The following ATAD1 variants were observed in gnomAD, a reference collection of about 807,000 sequenced individuals.
The protein encoded by ATAD1 is outer mitochondrial transmembrane helix translocase.
In ATAD1, 18 loss-of-function variants were observed where a neutral mutation model predicts 42.7. That is an observed-to-expected ratio of 0.42 (90% CI 0.29 to 0.63). The LOEUF (loss-of-function observed/expected upper bound fraction) is 0.63. Ranked by LOEUF, ATAD1 falls within the 20% of genes least tolerant of loss-of-function variation. ATAD1 has a pLI of 0.19. For missense variants in ATAD1, 294 were observed against 440.4 expected, an observed-to-expected ratio of 0.67 and a Z score of 2.98; for synonymous variants, 132 against 143.1, an observed-to-expected ratio of 0.92 and a Z score of 0.55.
chr10:87,812,601 AGAGAAGAG>A (rs1411254805), intron 2 of ATAD1, among the ~76,000 whole-genome samples: 1 of 152,214 alleles, frequency 6.6e-6, no homozygotes, highest in Non-Finnish European at 1.5e-5. Context: ...GATGTAGGGA[AGAGAAGAG>A]GAGGGGTAAC....
intron 6 of ATAD1, among the ~76,000 whole-genome samples, chr10:87,771,830 C>T (rs534027748): frequency 2.6e-5 from 4 of 151,428 alleles, no homozygotes; most frequent in Non-Finnish European, 5.9e-5. Flanking sequence ...TTCTGAAGGA[C>T]ATCAATATTA....
intron 2 of ATAD1, among the ~76,000 whole-genome samples, chr10:87,795,445 C>T (rs1856336298): frequency 6.9e-6 from 1 of 144,092 alleles, no homozygotes; most frequent in Non-Finnish European, 1.5e-5. Flanking sequence ...GTTATATTTT[C>T]TGATCACCAT....
At chr10:87,764,116 G>C (rs547565727) in intron 8 of ATAD1, among the ~76,000 whole-genome samples, 4 of 151,916 alleles carry the variant, frequency 2.6e-5, no homozygotes, top group Non-Finnish European at 5.9e-5. Context: ...TCCAGAAACA[G>C]AGACAATACA....
At chr10:87,811,091 G>T (rs1857155302) in intron 2 of ATAD1, among the ~76,000 whole-genome samples, 1 of 152,116 alleles carries the variant, frequency 6.6e-6, no homozygotes. Flanking sequence ...TCAGCACTTT[G>T]GGAGGCCAAA....
chr10:87,807,449 A>G (rs910957488), intron 2 of ATAD1, among the ~76,000 whole-genome samples: 1 of 152,194 alleles, frequency 6.6e-6, no homozygotes, highest in Non-Finnish European at 1.5e-5. Context: ...CATTCTCTCC[A>G]GCACGTTATT....
intron 2 of ATAD1, among the ~76,000 whole-genome samples, chr10:87,807,864 T>C (rs1037751615): frequency 6.6e-6 from 1 of 152,222 alleles, no homozygotes; most frequent in African/African-American, 2.4e-5. Flanking sequence ...CTTCCCTATT[T>C]ATAGACTTTT....
chr10:87,830,610 A>G (rs1195506672), intron 1 of ATAD1, among the ~76,000 whole-genome samples: 1 of 152,174 alleles, frequency 6.6e-6, no homozygotes, highest in Non-Finnish European at 1.5e-5. Context: ...TTGTGTTTTC[A>G]TTTACTACTT....
At chr10:87,758,614 G>A (rs1286857696) in intron 8 of ATAD1, among the ~76,000 whole-genome samples, 2 of 151,924 alleles carry the variant, frequency 1.3e-5, no homozygotes, top group East Asian at 1.9e-4. Flanking sequence ...TGTTACATTT[G>A]AAATAAAAAC....
Position 87,754,494 on chromosome 10 carries a change from T to A in ATAD1, c.*193A>T. On this transcript the variant is annotated 3_prime_UTR_variant, in exon 10 of 10. Coordinates refer to ENST00000680024, the MANE Select transcript of ATAD1 (RefSeq NM_001321967.2). Reference sequence around the variant, plus strand: ...CGTTCAGGCTGGATTCAACTGTTCCTCCTCATGATTTTTGACCAACAGTAA... The same window carrying A: ...CGTTCAGGCTGGATTCAACTGTTCCACCTCATGATTTTTGACCAACAGTAA... The A allele has an allele frequency of 1.9e-6, 1 of 524,334 alleles. No individual in the cohort carries two copies. Among genetic ancestry groups the A allele is most frequent in the Non-Finnish European group, 3.0e-6 (1 of 334,460 alleles). 32.5% of individuals were successfully genotyped at this position (524,334 alleles called of 1,614,324 possible).
Position 87,790,398 on chromosome 10 carries a change from A to G in ATAD1, c.294T>C (p.Asp98=), listed in dbSNP as rs765550187. ...CTGTGTCTTTCAGATCCGTAATGAC[A>G]TCATCTAAACCTGCTATATCACTCC... ...VTWSDIAGLD[D]VITDLKDTVI... is the part of the protein sequence containing the mutation. The change falls in exon 4 of 10, where the codon GAT becomes GAC. Residue 98 remains aspartate, a synonymous_variant. Coordinates refer to ENST00000680024, the MANE Select transcript of ATAD1 (RefSeq NM_001321967.2). 8.1e-6 allele frequency: 13 copies of G among 1,612,266 alleles called. No individual in the cohort carries two copies. The highest frequency in any genetic ancestry group is 1.1e-5 in the Non-Finnish European group (13 of 1,179,650).
chr10:87,763,530 G>A (rs1854595855), intron 8 of ATAD1, among the ~76,000 whole-genome samples: 1 of 152,144 alleles, frequency 6.6e-6, no homozygotes. Context: ...ACAACTAGCT[G>A]TGCGTGGTGA....
intron 6 of ATAD1, among the ~76,000 whole-genome samples, chr10:87,774,139 A>G (rs1026913284): frequency 4.6e-5 from 7 of 152,270 alleles, no homozygotes; most frequent in Middle Eastern, 6.8e-3. Context: ...CAGACTTTTG[A>G]CTTATGCTAA....
At position 87,776,429 on chromosome 10, in the gene ATAD1, T is replaced by C; in HGVS notation, c.584-2A>G. Reference sequence around the variant, plus strand: ...TTGAACGGTTTCGTAGAAAGGAGTCTAGAAGTAAAAGGTCCTTAACCTTAG... The same window carrying C: ...TTGAACGGTTTCGTAGAAAGGAGTCCAGAAGTAAAAGGTCCTTAACCTTAG... On this transcript the variant is annotated splice_acceptor_variant, in intron 5 of 9. Transcript: ENST00000680024. LOFTEE classifies it high-confidence loss of function. The C allele has an allele frequency of 6.2e-7, 1 of 1,607,898 alleles. No homozygotes were observed. The highest frequency in any genetic ancestry group is 8.5e-7 in the Non-Finnish European group (1 of 1,174,700).
chr10:87,795,527 G>A (rs11817759), intron 2 of ATAD1, among the ~76,000 whole-genome samples: 43,621 of 149,674 alleles, frequency 0.29, 6,566 homozygotes, highest in Middle Eastern at 0.31. Context: ...GGGAAAATGA[G>A]TTGGATGGGG....
At chr10:87,801,264 C>CTGTA (rs1369359001) in intron 2 of ATAD1, among the ~76,000 whole-genome samples, 2 of 152,122 alleles carry the variant, frequency 1.3e-5, no homozygotes, top group Admixed American at 1.3e-4. Context: ...TTACAATGAC[C>CTGTA]TGTAGTATGA....
rs536695864 is a variant in ATAD1 at position 87,767,165 on chromosome 10, T to A, written c.831+508A>T. 8.5e-5 allele frequency among the ~76,000 whole-genome samples: 13 copies of A among 152,222 alleles called. No individual in the cohort carries two copies. In the South Asian group the frequency reaches 1.5e-3, roughly 17 times the overall value. On this transcript the variant is annotated intron_variant, in intron 8 of 9. Transcript: ENST00000680024. ...ACAAAAACACATGGCTCTAAAAACATAAGAAAAGTATCTTTAACTCACATA... is the reference window on the plus strand; with the variant it reads ...ACAAAAACACATGGCTCTAAAAACAAAAGAAAAGTATCTTTAACTCACATA...
At chr10:87,838,388 G>A (rs545930541) in intron 1 of ATAD1, among the ~76,000 whole-genome samples, 13 of 148,704 alleles carry the variant, frequency 8.7e-5, no homozygotes, top group Admixed American at 2.0e-4. Context: ...TTAGCTGGGC[G>A]TGGTGGTGCA....
intron 2 of ATAD1, among the ~76,000 whole-genome samples, chr10:87,805,393 G>C (rs1329676209): frequency 1.3e-5 from 2 of 152,074 alleles, no homozygotes; most frequent in African/African-American, 4.8e-5. Context: ...CATCCCCAAT[G>C]CCAATTTAAC....
intron 1 of ATAD1, among the ~76,000 whole-genome samples, chr10:87,831,564 G>A (rs1015994210): frequency 6.6e-6 from 1 of 152,146 alleles, no homozygotes; most frequent in Non-Finnish European, 1.5e-5. Context: ...TGAATTTGTT[G>A]TTCATAAAGC....
Sources: allele counts gnomAD v4.1 joint callset (sites outside exome capture counted in the v4.1 genomes callset), GRCh38; gene constraint gnomAD v4.1.1; transcripts MANE v1.5; gene names NCBI Gene and HGNC (gene_info 2026-07-23, HGNC 2026-07-21).